Variants in LRTM3 observed in about 807,000 individuals in gnomAD.
LRTM3 encodes the protein leucine-rich repeat transmembrane protein 3.
the LRTM3 span, chr13:102,743,918 G>A: frequency 1.4e-5 from 21 of 1,550,416 alleles, no homozygotes; most frequent in Non-Finnish European, 1.8e-5. Flanking sequence ...CAAGAAAATT[G>A]CAGCTACATT....
chr13:102,752,545 A>G, the LRTM3 span, among the ~76,000 whole-genome samples: 1 of 152,328 alleles, frequency 6.6e-6, no homozygotes, highest in South Asian at 2.1e-4. Context: ...TTGGTTAATT[A>G]GAATTTGGGG....
chr13:102,747,452 C>T, the LRTM3 span: 1 of 1,548,758 alleles, frequency 6.5e-7, no homozygotes, highest in South Asian at 1.2e-5. Context: ...ACTGAGTACA[C>T]TTTTTGTTTC....
At chr13:102,746,994 CT>C in the LRTM3 span, 1 of 1,551,224 alleles carries the variant, frequency 6.4e-7, no homozygotes, top group Non-Finnish European at 8.7e-7. Context: ...TGATGCATTT[CT>C]TTCTCTGTTT....
At chr13:102,752,752 A>G in the LRTM3 span, among the ~76,000 whole-genome samples, 1 of 152,234 alleles carries the variant, frequency 6.6e-6, no homozygotes, top group African/African-American at 2.4e-5. Context: ...GTACCTCAGA[A>G]TGTGACCATA....
At chr13:102,746,608 C>G in the LRTM3 span, 1 of 1,551,148 alleles carries the variant, frequency 6.4e-7, no homozygotes, top group Non-Finnish European at 8.7e-7. Flanking sequence ...CACATTTGGG[C>G]TTCGCTGTAC....
the LRTM3 span, among the ~76,000 whole-genome samples, chr13:102,755,117 C>T: frequency 6.6e-6 from 1 of 152,098 alleles, no homozygotes; most frequent in South Asian, 2.1e-4. Context: ...CTCGGGTCCC[C>T]GGATTTCAGA....
the LRTM3 span, chr13:102,758,705 C>A: frequency 6.5e-7 from 1 of 1,542,578 alleles, no homozygotes; most frequent in South Asian, 1.2e-5. Flanking sequence ...TTCTTACCTC[C>A]TGGACATCTG....
At chr13:102,754,241 C>A in the LRTM3 span, among the ~76,000 whole-genome samples, 1 of 150,038 alleles carries the variant, frequency 6.7e-6, no homozygotes, top group African/African-American at 2.4e-5. Context: ...TGAAGCAAAC[C>A]ATTTCCCAAA....
At chr13:102,742,772 G>A in the LRTM3 span, 1 of 1,550,548 alleles carries the variant, frequency 6.4e-7, no homozygotes, top group East Asian at 2.4e-5. Flanking sequence ...TTCTTCTGAA[G>A]CAGGTGAATG....
At chr13:102,745,424 G>A in the LRTM3 span, 1 of 1,550,822 alleles carries the variant, frequency 6.4e-7, no homozygotes, top group Non-Finnish European at 8.7e-7. Flanking sequence ...AGTCAGGAAA[G>A]CATATGTTTC....
chr13:102,743,058 C>A, the LRTM3 span: 2 of 1,550,334 alleles, frequency 1.3e-6, no homozygotes, highest in Non-Finnish European at 1.7e-6. Flanking sequence ...AGCACATCCT[C>A]TGATTTACCA....
chr13:102,750,690 C>A, the LRTM3 span, among the ~76,000 whole-genome samples: 3 of 152,074 alleles, frequency 2.0e-5, no homozygotes, highest in Non-Finnish European at 4.4e-5. Context: ...TATTATTTTA[C>A]AAGGAATATC....
chr13:102,739,641 A>G, the LRTM3 span: 1 of 1,550,368 alleles, frequency 6.5e-7, no homozygotes, highest in Non-Finnish European at 8.7e-7. Flanking sequence ...GACAGTGATG[A>G]CTTCCTTGGC....
At chr13:102,737,778 T>C in the LRTM3 span, 3 of 1,550,980 alleles carry the variant, frequency 1.9e-6, no homozygotes, top group East Asian at 4.9e-5. Context: ...TCTGATGATT[T>C]CTGGTGCCTT....
At chr13:102,751,036 T>A in the LRTM3 span, among the ~76,000 whole-genome samples, 2 of 152,198 alleles carry the variant, frequency 1.3e-5, no homozygotes, top group Non-Finnish European at 2.9e-5. Context: ...TGGGCAGTGA[T>A]GCCCAGAGAT....
chr13:102,740,699 G>T, the LRTM3 span: 1 of 1,548,026 alleles, frequency 6.5e-7, no homozygotes, highest in Non-Finnish European at 8.7e-7. Context: ...AAATAGATCT[G>T]TTTTGGAGTG....
At chr13:102,747,828 C>G in the LRTM3 span, 1 of 1,551,074 alleles carries the variant, frequency 6.4e-7, no homozygotes, top group Non-Finnish European at 8.7e-7. Context: ...GGTTGGACTT[C>G]TTGCTCTTTA....
chr13:102,745,401 T>C, the LRTM3 span: 1 of 1,550,738 alleles, frequency 6.4e-7, no homozygotes, highest in Non-Finnish European at 8.7e-7. Flanking sequence ...TACTTGTTAA[T>C]GTCAGGTGTC....
At chr13:102,755,308 T>G in the LRTM3 span, among the ~76,000 whole-genome samples, 1 of 151,532 alleles carries the variant, frequency 6.6e-6, no homozygotes, top group African/African-American at 2.4e-5. Flanking sequence ...ACCATTCTGA[T>G]GCTTAGCTTC....
Sources: allele counts gnomAD v4.1 joint callset (sites outside exome capture counted in the v4.1 genomes callset), GRCh38; gene constraint gnomAD v4.1.1; transcripts MANE v1.5; gene names NCBI Gene and HGNC (gene_info 2026-07-23, HGNC 2026-07-21).